The following ARID1B variants were observed in gnomAD, a reference collection of about 807,000 sequenced individuals.
ARID1B encodes the protein AT-rich interaction domain 1B, also known as AT-rich interactive domain-containing protein 1B.
A neutral mutation model predicts 212.3 loss-of-function variants in ARID1B; 30 were observed. That is an observed-to-expected ratio of 0.14 (90% CI 0.11 to 0.19). The LOEUF is 0.19. Among genes scored for constraint, ARID1B ranks in the 10% least tolerant of loss-of-function variants. ARID1B has a pLI of 1.00. For synonymous variants in ARID1B, 1,402 were observed against 1,301.7 expected, an observed-to-expected ratio of 1.08 and a Z score of -1.66; for missense variants, 2,891 against 3,204.0, an observed-to-expected ratio of 0.90 and a Z score of 2.36.
At chr6:156,958,924 A>G (rs970787166) in intron 4 of ARID1B, among the ~76,000 whole-genome samples, 2 of 152,210 alleles carry the variant, frequency 1.3e-5, no homozygotes, top group African/African-American at 4.8e-5. Flanking sequence ...TTTTCTTTCG[A>G]TCTGGTCATT....
chr6:156,806,611 G>A lies in ARID1B; in HGVS notation c.1792-22616G>A, dbSNP rs571102689. ...GAGGTTTGGTTAATATCCCTGTTTC[G>A]TGTGTGCTGAAGCAGAAGCACAGTG... On this transcript the variant is annotated intron_variant, in intron 1 of 19. Transcript: ENST00000636930. Among the ~76,000 whole-genome samples the A allele has an allele frequency of 3.9e-5, 6 of 152,196 alleles. No individual in the cohort carries two copies. In the South Asian group the frequency reaches 1.2e-3, roughly 32 times the overall value.
chr6:157,190,252 C>A lies in ARID1B; in HGVS notation c.4231+42C>A. On this transcript the variant is annotated intron_variant, in intron 15 of 19. Transcript: ENST00000636930. The surrounding 1 kb of genome is among the most constrained non-coding windows in gnomAD (Gnocchi z 4.6). ...CTCCACCCGGCCATGGACCAGTGGG[C>A]ATTCTACTCTCTGCCGTTCCACAAC... is the stretch of plus-strand genomic sequence containing the variant. 6.4e-7 allele frequency: 1 copy of A among 1,567,494 alleles called. No homozygotes were observed. Among genetic ancestry groups the A allele is most frequent in the Non-Finnish European group, 8.6e-7 (1 of 1,161,554 alleles).
chr6:156,876,563 A>G (rs1786572505), intron 2 of ARID1B, among the ~76,000 whole-genome samples: 1 of 152,198 alleles, frequency 6.6e-6, no homozygotes, highest in Non-Finnish European at 1.5e-5. Context: ...CCATAAAAAC[A>G]TGGCACTGCT....
intron 2 of ARID1B, among the ~76,000 whole-genome samples, chr6:156,875,401 G>A (rs1402593382): frequency 2.6e-5 from 4 of 152,200 alleles, no homozygotes; most frequent in Non-Finnish European, 5.9e-5. Flanking sequence ...CCTTAAAAAT[G>A]TATGGAACAC....
At chr6:156,819,796 C>T (rs765119483) in intron 1 of ARID1B, among the ~76,000 whole-genome samples, 31 of 152,164 alleles carry the variant, frequency 2.0e-4, no homozygotes, top group Non-Finnish European at 5.9e-5. Flanking sequence ...TCAGGGAGGG[C>T]TCCTCTAAGG....
At chr6:157,082,799 A>G (rs1784720550) in intron 4 of ARID1B, among the ~76,000 whole-genome samples, 1 of 152,228 alleles carries the variant, frequency 6.6e-6, no homozygotes, top group East Asian at 1.9e-4. Flanking sequence ...CCATAAGCAC[A>G]GTCATTGGAC....
intron 4 of ARID1B, among the ~76,000 whole-genome samples, chr6:157,000,788 G>T (rs1470902538): frequency 6.8e-6 from 1 of 146,444 alleles, no homozygotes; most frequent in Non-Finnish European, 1.5e-5. Flanking sequence ...CTGTCTCCCA[G>T]GTTCAAACGA....
chr6:156,911,253 AT>A lies in ARID1B; in HGVS notation c.2136+9731del, dbSNP rs151126556. On this transcript the variant is annotated intron_variant, in intron 3 of 19. Transcript: ENST00000636930. Reference sequence around the variant, plus strand: ...TACGTGATGGTTTTGTTTCTGGAAAATTTATTATGTCATAAGATGATTTTAA... The same window carrying A: ...TACGTGATGGTTTTGTTTCTGGAAAATTATTATGTCATAAGATGATTTTAA... 6.6e-3 allele frequency among the ~76,000 whole-genome samples: 995 copies of A among 151,642 alleles called. 13 individuals are homozygous for A. Among genetic ancestry groups the A allele is most frequent in the African/African-American group, 0.022 (905 of 41,358 alleles).
intron 8 of ARID1B, among the ~76,000 whole-genome samples, chr6:157,154,580 G>GTTTTTTTTT (rs1274752634): frequency 9.0e-6 from 1 of 111,578 alleles, no homozygotes; most frequent in Non-Finnish European, 1.8e-5. Context: ...TTTTTTTTTT[G>GTTTTTTTTT]TTTTTTTTTT....
At chr6:156,784,518 T>C (rs1779500823) in intron 1 of ARID1B, among the ~76,000 whole-genome samples, 1 of 152,192 alleles carries the variant, frequency 6.6e-6, no homozygotes, top group Non-Finnish European at 1.5e-5. Context: ...AAAGATAAAA[T>C]GACTTAGGTA....
chr6:157,167,251 A>C, intron 9 of ARID1B, 66 bp downstream of exon 9: 1 of 1,538,340 alleles, frequency 6.5e-7, no homozygotes, highest in Non-Finnish European at 8.7e-7. Context: ...AGGCTCCACC[A>C]GTGAATCTGC....
intron 1 of ARID1B, among the ~76,000 whole-genome samples, chr6:156,801,876 G>T (rs1442585380): frequency 6.6e-6 from 1 of 152,138 alleles, no homozygotes; most frequent in Non-Finnish European, 1.5e-5. Flanking sequence ...CTGTGGCCTG[G>T]TAGTTGAAAT....
chr6:156,846,247 T>C (rs1295272469), intron 2 of ARID1B, among the ~76,000 whole-genome samples: 3 of 152,060 alleles, frequency 2.0e-5, no homozygotes, highest in African/African-American at 7.2e-5. Context: ...CTCCGCCTCC[T>C]GGGTTCAAGT....
At chr6:157,035,549 C>CT (rs1422518059) in intron 4 of ARID1B, among the ~76,000 whole-genome samples, 2 of 152,202 alleles carry the variant, frequency 1.3e-5, no homozygotes, top group Non-Finnish European at 2.9e-5. Context: ...GTTTCTAAAT[C>CT]TAACAGCCTT....
intron 2 of ARID1B, among the ~76,000 whole-genome samples, chr6:156,863,158 A>G (rs1203078457): frequency 6.6e-6 from 1 of 152,208 alleles, no homozygotes; most frequent in Admixed American, 6.5e-5. Context: ...TGTGGGGATA[A>G]GAAGGATTTA....
chr6:156,887,627 GA>G (rs928625069), intron 2 of ARID1B, among the ~76,000 whole-genome samples: 1 of 152,004 alleles, frequency 6.6e-6, no homozygotes, highest in African/African-American at 2.4e-5. Context: ...AAATCATTTT[GA>G]GGAGGGCCAG....
Position 157,206,586 on chromosome 6 carries a change from C to T in ARID1B, c.5814C>T (p.Gly1938=), listed in dbSNP as rs1198774857. 1 of 1,614,056 alleles carries T rather than the reference C, an allele frequency of 6.2e-7. No individual in the cohort carries two copies. Among genetic ancestry groups the T allele is most frequent in the Non-Finnish European group, 8.5e-7 (1 of 1,180,040 alleles). Residue 1938 remains glycine (G), a synonymous_variant, in exon 20 of 20, where the codon GGC becomes GGT. Coordinates refer to ENST00000636930, the MANE Select transcript of ARID1B (RefSeq NM_001374828.1). The surrounding 1 kb of genome is among the most constrained non-coding windows in gnomAD (Gnocchi z 6.8). ...GGCGTGTGCAGGAGTTCAATAGTGG[C>T]CTTCTGCACTGGCAGCTCGGCGGGG... ...KLGRVQEFNS[G]LLHWQLGGGD...
chr6:156,927,259 C>T (rs1359559972), intron 3 of ARID1B, among the ~76,000 whole-genome samples: 2 of 152,030 alleles, frequency 1.3e-5, no homozygotes, highest in African/African-American at 4.8e-5. Context: ...ATCTCCTCTC[C>T]TTCTCGTCCT....
At chr6:157,132,220 G>A (rs952300771) in intron 6 of ARID1B, among the ~76,000 whole-genome samples, 35 of 152,160 alleles carry the variant, frequency 2.3e-4, no homozygotes, top group Admixed American at 2.2e-3. Flanking sequence ...ATGTCGGAGC[G>A]GAGTCACCAG....
Sources: gnomAD v4.1 joint callset for allele counts (sites outside exome capture counted in the v4.1 genomes callset) on GRCh38, gnomAD v4.1.1 for gene constraint, Gnocchi (gnomAD v3.1) non-coding constraint, MANE v1.5 for transcripts, NCBI Gene and HGNC (gene_info 2026-07-23, HGNC 2026-07-21) for gene names.